The following SARS1 variants were observed in gnomAD, a reference collection of about 807,000 sequenced individuals.
SARS1 encodes the protein serine--tRNA ligase, cytoplasmic.
In SARS1, 25 loss-of-function variants were observed where a neutral mutation model predicts 63.7. That is an observed-to-expected ratio of 0.39 (90% confidence interval 0.29 to 0.55). The LOEUF (loss-of-function observed/expected upper bound fraction) is 0.55. SARS1 is among the 20% of genes least tolerant of loss of function. The probability of loss-of-function intolerance (pLI) is 0.62; values close to 1 mark genes in which losing one functional copy is unlikely to be tolerated. For missense variants in SARS1, 417 were observed against 649.7 expected, an observed-to-expected ratio of 0.64 and a Z score of 3.89; for synonymous variants, 231 against 243.5, an observed-to-expected ratio of 0.95 and a Z score of 0.48.
chr1:109,214,282 C>T lies in SARS1; in HGVS notation c.136+154C>T, dbSNP rs1023065492. Among the ~76,000 whole-genome samples the T allele has an allele frequency of 6.6e-6, 1 of 152,252 alleles. No individual in the cohort carries two copies. Among genetic ancestry groups the T allele is most frequent in the Non-Finnish European group, 1.5e-5 (1 of 68,046 alleles). On this transcript the variant is annotated intron_variant, in intron 1 of 10. Transcript: ENST00000234677. The surrounding 1 kb of genome is among the most constrained non-coding windows in gnomAD (Gnocchi z 4.6). Reference sequence around the variant, plus strand: ...GAGGTTCTCCCCATCCCCGAAAACACAGCCTGGTCGCCGGGGTCATCCCAC... The same window carrying T: ...GAGGTTCTCCCCATCCCCGAAAACATAGCCTGGTCGCCGGGGTCATCCCAC...
At position 109,235,910 on chromosome 1, in the gene SARS1, G is replaced by A; in HGVS notation, c.970-67G>A. The A allele has an allele frequency of 1.4e-6, 2 of 1,452,032 alleles. No individual in the cohort carries two copies. Among genetic ancestry groups the A allele is most frequent in the Non-Finnish European group, 1.9e-6 (2 of 1,077,768 alleles). 89.9% of individuals were successfully genotyped at this position (1,452,032 alleles called of 1,614,324 possible). A position where few individuals can be genotyped will look rare whatever the true frequency, so the allele number is the denominator to read the frequency against. Reference sequence around the variant, plus strand: ...GGAAACAGGTCTTCATGGCAAGGATGTCTCCCACTTCAGTCCTTTATTCAC... The same window carrying A: ...GGAAACAGGTCTTCATGGCAAGGATATCTCCCACTTCAGTCCTTTATTCAC... On this transcript the variant is annotated intron_variant, in intron 7 of 10. Coordinates refer to ENST00000234677, the MANE Select transcript of SARS1 (RefSeq NM_006513.4). This position sits in a 1 kb window ranked among gnomAD's most constrained non-coding sequence, Gnocchi z 4.7.
Position 109,226,677 on chromosome 1 carries a change from A to AATATATATATAT in SARS1, c.208-1665_208-1654dup, listed in dbSNP as rs1553177726. 1.1e-3 allele frequency among the ~76,000 whole-genome samples: 48 copies of AATATATATATAT among 44,948 alleles called. 1 individual carries two copies. Among genetic ancestry groups the AATATATATATAT allele is most frequent in the African/African-American group, 3.7e-3 (45 of 12,092 alleles). 29.5% of individuals were successfully genotyped at this position (44,948 alleles called of 152,430 possible). On this transcript the variant is annotated intron_variant, in intron 2 of 10. Transcript: ENST00000234677. ...CCTGGCTAATTTAAAAAAAAAAAAA[A>AATATATATATAT]ATATATATATATATATATATACACA...
chr1:109,228,079 A>C (rs1256961102), intron 2 of SARS1, among the ~76,000 whole-genome samples: 1 of 152,126 alleles, frequency 6.6e-6, no homozygotes, highest in African/African-American at 2.4e-5. Flanking sequence ...CATTCTTCTC[A>C]TATTCTTCAG....
chr1:109,215,929 C>A (rs1007187009), intron 1 of SARS1: 1 of 612,132 alleles, frequency 1.6e-6, no homozygotes, highest in Non-Finnish European at 2.0e-6. Flanking sequence ...GTCTCTAACT[C>A]CTGACCTCAA....
At chr1:109,222,790 G>A (rs530301528) in intron 1 of SARS1, among the ~76,000 whole-genome samples, 14 of 152,126 alleles carry the variant, frequency 9.2e-5, no homozygotes, top group East Asian at 1.9e-4. Flanking sequence ...TGGGTGGATC[G>A]CTTGAGCCCA....
At chr1:109,228,874 T>G (rs572402680) in intron 3 of SARS1, among the ~76,000 whole-genome samples, 49 of 152,324 alleles carry the variant, frequency 3.2e-4, no homozygotes, top group African/African-American at 1.2e-3. Context: ...GTTGCTGTGC[T>G]TGAAGGTCTC....
chr1:109,223,579 T>A (rs4970830), intron 1 of SARS1, among the ~76,000 whole-genome samples: 24,850 of 152,160 alleles, frequency 0.16, 2,082 homozygotes, highest in African/African-American at 0.2. Context: ...CCCAGCACTT[T>A]GGGAGGGCGA....
chr1:109,236,473 C>T lies in SARS1; in HGVS notation c.1182C>T (p.Ser394=). 1 of 1,607,718 alleles carries T rather than the reference C, an allele frequency of 6.2e-7. No homozygotes were observed. Among genetic ancestry groups the T allele is most frequent in the Non-Finnish European group, 8.5e-7 (1 of 1,174,628 alleles). The change falls in exon 9 of 11, where the codon TCC becomes TCT. Residue 394 remains serine, a synonymous_variant. Coordinates refer to ENST00000234677, the MANE Select transcript of SARS1 (RefSeq NM_006513.4). The part of the protein sequence containing the change: ...PGSGAFRELV[S]CSNCTDYQAR... The stretch of plus-strand genomic sequence containing the variant: ...CAGGAGCCTTCCGTGAGTTGGTCTC[C>T]TGTTCTAATTGCACGGATTACCAGG...
rs1655327921 is a variant in SARS1 at position 109,237,175 on chromosome 1, G to A, written c.1258-69G>A. The A allele has an allele frequency of 6.4e-7, 1 of 1,558,786 alleles. No individual in the cohort carries two copies. The highest frequency in any genetic ancestry group is 8.7e-7 in the Non-Finnish European group (1 of 1,156,064). ...TTGGGGAAGTCTGGTTGAATGGATG[G>A]TTCCTGGCCGTCAGTAAGACCCGAT... is the stretch of plus-strand genomic sequence containing the variant. On this transcript the variant is annotated intron_variant, in intron 9 of 10. Transcript: ENST00000234677. This position sits in a 1 kb window ranked among gnomAD's most constrained non-coding sequence, Gnocchi z 4.1.
At chr1:109,222,259 G>A (rs1654966288) in intron 1 of SARS1, among the ~76,000 whole-genome samples, 1 of 151,778 alleles carries the variant, frequency 6.6e-6, no homozygotes, top group African/African-American at 2.4e-5. Context: ...TGGAAAAATA[G>A]TAGAAAGGTC....
In SARS1 at chr1:109,230,991, G is replaced by T; in HGVS notation, c.561G>T (p.Val187=). 1 of 1,545,758 alleles carries T rather than the reference G, an allele frequency of 6.5e-7. No individual in the cohort carries two copies. The highest frequency in any genetic ancestry group is 1.3e-5 in the South Asian group (1 of 79,842). ...VDGFEGEKGA[V]VAGSRGYFLK... is the part of the protein sequence containing the mutation. ...GCTTTGAAGGCGAAAAGGGGGCCGT[G>T]GTGGCTGGGAGTCGAGGGTACTTCT... The change falls in exon 5 of 11, where the codon GTG becomes GTT. Residue 187 remains valine (V), a synonymous_variant. Coordinates refer to ENST00000234677, the MANE Select transcript of SARS1 (RefSeq NM_006513.4).
At position 109,221,061 on chromosome 1, in the gene SARS1, C is replaced by CT. The variant is rs1164086091; in HGVS notation, c.137-2902dup. Among the ~76,000 whole-genome samples, 485 of 139,046 alleles carry CT rather than the reference C, an allele frequency of 3.5e-3. 3 individuals are homozygous for CT. Among genetic ancestry groups the CT allele is most frequent in the East Asian group, 0.024 (115 of 4,858 alleles). The allele number at this position is 139,046 out of a possible 152,430, so 91.2% of individuals were successfully genotyped here. A position where few individuals can be genotyped will look rare whatever the true frequency, so the allele number is the denominator to read the frequency against. On this transcript the variant is annotated intron_variant, in intron 1 of 10. Transcript: ENST00000234677. ...CCATAGCTAATTTTTCTTTTCTTCTCTTTTTTTTTTTTTTTCTTGAGACAG... is the reference window on the plus strand; with the variant it reads ...CCATAGCTAATTTTTCTTTTCTTCTCTTTTTTTTTTTTTTTTCTTGAGACAG...
chr1:109,234,397 A>T (rs963455556), intron 6 of SARS1, among the ~76,000 whole-genome samples: 1 of 151,416 alleles, frequency 6.6e-6, no homozygotes, highest in African/African-American at 2.4e-5. Flanking sequence ...TGGTTGTATA[A>T]TATTACATAA....
At chr1:109,216,793 G>A (rs1212697255) in intron 1 of SARS1, 1 of 491,738 alleles carries the variant, frequency 2.0e-6, no homozygotes, top group African/African-American at 2.1e-5. Flanking sequence ...TGGCTAATGT[G>A]TGTATTTTTT....
rs148902081 is a variant in SARS1 at position 109,237,312 on chromosome 1, G to A, written c.1326G>A (p.Glu442=). ...ATTRTICAIL[E]NYQTEKGITV... ...CCCGTACCATCTGCGCCATCCTGGA[G>A]AACTACCAGACAGAGAAGGGCATCA... Residue 442 remains glutamate, a synonymous_variant, in exon 10 of 11, where the codon GAG becomes GAA. Coordinates refer to ENST00000234677, the MANE Select transcript of SARS1 (RefSeq NM_006513.4). The surrounding 1 kb of genome is among the most constrained non-coding windows in gnomAD (Gnocchi z 4.1). 885 of 1,614,216 alleles carry A rather than the reference G, an allele frequency of 5.5e-4. 9 individuals are homozygous for A. The African/African-American group carries it at 9.8e-3, about 18-fold the overall frequency.
chr1:109,237,189 G>C lies in SARS1; in HGVS notation c.1258-55G>C, dbSNP rs1655328911. 3 of 1,573,676 alleles carry C rather than the reference G, an allele frequency of 1.9e-6. No homozygotes were observed. Among genetic ancestry groups the C allele is most frequent in the Non-Finnish European group, 2.6e-6 (3 of 1,163,348 alleles). On this transcript the variant is annotated intron_variant, in intron 9 of 10. Transcript: ENST00000234677. This position sits in a 1 kb window ranked among gnomAD's most constrained non-coding sequence, Gnocchi z 4.1. ...TTGAATGGATGGTTCCTGGCCGTCA[G>C]TAAGACCCGATGAGAGTTGAGCCCG...
chr1:109,216,307 A>G (rs560254811), intron 1 of SARS1: 12 of 985,342 alleles, frequency 1.2e-5, no homozygotes, highest in Admixed American at 6.1e-5. Flanking sequence ...AACTATACCA[A>G]TTTGTCTTCC....
In SARS1 at chr1:109,219,262, CATATATATATAT is replaced by C. The variant is rs142272817; in HGVS notation, c.137-4700_137-4689del. Among the ~76,000 whole-genome samples the C allele has an allele frequency of 1.4e-3, 107 of 76,950 alleles. 7 individuals carry two copies. The highest frequency in any genetic ancestry group is 5.9e-3 in the South Asian group (11 of 1,850). 50.5% of individuals were successfully genotyped at this position (76,950 alleles called of 152,430 possible). ...GCCTGGGCGATAGAGCAAGACTCTC[CATATATATATAT>C]ATATATATATATATAGTGTACATAT... On this transcript the variant is annotated intron_variant, in intron 1 of 10. Transcript: ENST00000234677.
At chr1:109,229,598 G>A in intron 4 of SARS1, 26 bp downstream of exon 4, 1 of 1,604,166 alleles carries the variant, frequency 6.2e-7, no homozygotes, top group Non-Finnish European at 8.5e-7. Context: ...GCAGCAGGAG[G>A]CTGCCTTAGG....
Sources: allele counts gnomAD v4.1 joint callset (sites outside exome capture counted in the v4.1 genomes callset), GRCh38; gene constraint gnomAD v4.1.1; non-coding constraint Gnocchi (gnomAD v3.1); transcripts MANE v1.5; gene names NCBI Gene and HGNC (gene_info 2026-07-23, HGNC 2026-07-21).